The following LDAH variants were observed in gnomAD, a reference collection of about 807,000 sequenced individuals.
LDAH encodes lipid droplet associated hydrolase.
A neutral mutation model predicts 29.6 loss-of-function variants in LDAH; 26 were observed. The ratio of observed to expected loss-of-function variants is 0.88; its 90% CI spans 0.64 to 1.22. The LOEUF is 1.22. Ranked by LOEUF, LDAH falls within the 50% of genes most tolerant of loss-of-function variation. The pLI, the probability that LDAH is intolerant of heterozygous loss-of-function variation, is 0.00. For synonymous variants in LDAH, 117 were observed against 133.0 expected, an observed-to-expected ratio of 0.88 and a Z score of 0.83; for missense variants, 344 against 387.3, an observed-to-expected ratio of 0.89 and a Z score of 0.94.
At chr2:20,802,548 A>T (rs1048857629) in intron 1 of LDAH, among the ~76,000 whole-genome samples, 1 of 151,994 alleles carries the variant, frequency 6.6e-6, no homozygotes, top group African/African-American at 2.4e-5. Context: ...ACAGCACCAA[A>T]TCTCAAACCT....
At chr2:20,708,027 T>A (rs1572440647) in intron 5 of LDAH, among the ~76,000 whole-genome samples, 1 of 152,294 alleles carries the variant, frequency 6.6e-6, no homozygotes, top group African/African-American at 2.4e-5. Context: ...CCCATCACCC[T>A]CAGATGGGAT....
At chr2:20,691,169 C>T (rs1278294632) in intron 6 of LDAH, among the ~76,000 whole-genome samples, 1 of 151,906 alleles carries the variant, frequency 6.6e-6, no homozygotes, top group Non-Finnish European at 1.5e-5. Context: ...ACACAGCCAC[C>T]TTTATTTTTA....
intron 4 of LDAH, among the ~76,000 whole-genome samples, chr2:20,750,328 C>T (rs1667888288): frequency 6.6e-6 from 1 of 152,108 alleles, no homozygotes; most frequent in Admixed American, 6.5e-5. Context: ...GCCCGGGCTG[C>T]CTTACTAAAC....
Position 20,740,169 on chromosome 2 carries a change from G to A in LDAH, c.505C>T (p.Arg169Ter), listed in dbSNP as rs1466230012. 16 of 1,613,978 alleles carry A rather than the reference G, an allele frequency of 9.9e-6. No homozygotes were observed. The highest frequency in any genetic ancestry group is 2.7e-5 in the African/African-American group (2 of 75,008). ...CTGCCATTGGGTGACTCAGACATTCGTTCAATTGTTGGAAAGAGCAGAAAG... is the reference window on the plus strand; with the variant it reads ...CTGCCATTGGGTGACTCAGACATTCATTCAATTGTTGGAAAGAGCAGAAAG... ...RAFLLFPTIE[R>*]MSESPNGRIA... The change falls in exon 5 of 7, where the codon CGA (arginine) becomes TGA (stop). Residue 169 changes from arginine to a stop codon, truncating the protein, a stop_gained. Transcript: ENST00000237822. LOFTEE classifies it high-confidence loss of function.
intron 5 of LDAH, among the ~76,000 whole-genome samples, chr2:20,736,025 A>T (rs1329427104): frequency 6.6e-6 from 1 of 152,204 alleles, no homozygotes. Context: ...GAGCAGGGAA[A>T]GAGAGGGGGT....
chr2:20,682,684 C>T (rs535255357), downstream of LDAH, among the ~76,000 whole-genome samples: 15 of 152,280 alleles, frequency 9.9e-5, no homozygotes, highest in South Asian at 2.1e-4. Flanking sequence ...TTAATCCATT[C>T]AGGAAGGAAG....
intron 6 of LDAH, among the ~76,000 whole-genome samples, chr2:20,697,805 AT>A (rs1449181500): frequency 1.3e-5 from 2 of 152,198 alleles, no homozygotes; most frequent in African/African-American, 4.8e-5. Context: ...ACTTTTGTTA[AT>A]CTCTAACCAA....
intron 5 of LDAH, among the ~76,000 whole-genome samples, chr2:20,704,778 G>A (rs148419879): frequency 1.2e-3 from 190 of 152,068 alleles, no homozygotes; most frequent in Admixed American, 2.0e-3. Flanking sequence ...AGAATTATTT[G>A]TTGCCTTTAC....
intron 5 of LDAH, among the ~76,000 whole-genome samples, chr2:20,705,612 G>A (rs981661936): frequency 6.6e-6 from 1 of 152,006 alleles, no homozygotes; most frequent in African/African-American, 2.4e-5. Context: ...TAAGAGACTA[G>A]TTAGAATACT....
intron 4 of LDAH, among the ~76,000 whole-genome samples, chr2:20,761,862 GA>G (rs1307039912): frequency 1.5e-5 from 2 of 136,998 alleles, no homozygotes. Context: ...CACCTTAAAA[GA>G]AAAAAAAAGA....
At chr2:20,819,689 T>C (rs1382688811) in intron 1 of LDAH, among the ~76,000 whole-genome samples, 5 of 152,160 alleles carry the variant, frequency 3.3e-5, no homozygotes, top group Non-Finnish European at 5.9e-5. Context: ...AAGCATTCCC[T>C]TTGAAAACTG....
chr2:20,702,779 C>T (rs1365400203), intron 5 of LDAH, among the ~76,000 whole-genome samples: 2 of 152,224 alleles, frequency 1.3e-5, no homozygotes, highest in African/African-American at 2.4e-5. Context: ...CCATGCCTTC[C>T]TCCCATCCTG....
At chr2:20,786,017 G>C (rs1290981664) in intron 3 of LDAH, among the ~76,000 whole-genome samples, 1 of 152,072 alleles carries the variant, frequency 6.6e-6, no homozygotes, top group Non-Finnish European at 1.5e-5. Flanking sequence ...TCTGACTCTG[G>C]TTCTGATGCT....
intron 1 of LDAH, among the ~76,000 whole-genome samples, chr2:20,811,297 C>T (rs370772617): frequency 2.0e-4 from 30 of 151,096 alleles, no homozygotes; most frequent in African/African-American, 6.6e-4. Flanking sequence ...GGATTACAGG[C>T]GTGAGCGGCC....
intron 1 of LDAH, among the ~76,000 whole-genome samples, chr2:20,805,214 A>T (rs1183665719): frequency 6.6e-6 from 1 of 152,220 alleles, no homozygotes; most frequent in Non-Finnish European, 1.5e-5. Flanking sequence ...TATGAAAATC[A>T]AGCTCAGTCT....
chr2:20,801,902 A>G (rs955442901), intron 1 of LDAH, among the ~76,000 whole-genome samples: 1 of 149,950 alleles, frequency 6.7e-6, no homozygotes, highest in African/African-American at 2.5e-5. Flanking sequence ...TTATTTCCTC[A>G]TATTACTCTT....
At chr2:20,712,254 T>C (rs868057723) in intron 5 of LDAH, among the ~76,000 whole-genome samples, 18 of 152,106 alleles carry the variant, frequency 1.2e-4, no homozygotes, top group Admixed American at 5.9e-4. Context: ...GGGTCTGGAG[T>C]GGACCTCCAG....
At chr2:20,797,608 C>G (rs1341840277) in intron 2 of LDAH, among the ~76,000 whole-genome samples, 1 of 152,134 alleles carries the variant, frequency 6.6e-6, no homozygotes, top group Non-Finnish European at 1.5e-5. Flanking sequence ...TCACCCTAGA[C>G]ACACCTCTGG....
At chr2:20,683,973 G>C (rs1662386768), downstream of LDAH, 1 of 152,154 alleles carries the variant, frequency 6.6e-6, no homozygotes, top group Admixed American at 6.5e-5. Context: ...CTGCGTACAA[G>C]AGGAAATAGC....
Sources: allele counts gnomAD v4.1 joint callset (sites outside exome capture counted in the v4.1 genomes callset), GRCh38; gene constraint gnomAD v4.1.1; transcripts MANE v1.5; gene names NCBI Gene and HGNC (gene_info 2026-07-23, HGNC 2026-07-21).